PAPPA: variants seen among roughly 807,000 people sequenced by gnomAD.
The protein encoded by PAPPA is pappalysin-1.
In PAPPA, 60 loss-of-function variants were observed where a neutral mutation model predicts 164.0. That is an observed-to-expected ratio of 0.37 (90% confidence interval 0.30 to 0.45). The LOEUF (loss-of-function observed/expected upper bound fraction) is 0.45. Among genes scored for constraint, PAPPA ranks in the 20% least tolerant of loss-of-function variants. The probability of loss-of-function intolerance (pLI) is 1.00; values close to 1 mark genes in which losing one functional copy is unlikely to be tolerated. For missense variants in PAPPA, 1,782 were observed against 2,087.3 expected (o/e 0.85, Z 2.85); for synonymous variants, 875 against 814.1 (o/e 1.07, Z -1.27).
chr9:116,242,788 T>A (rs982813183), intron 7 of PAPPA, among the ~76,000 whole-genome samples: 1 of 152,218 alleles, frequency 6.6e-6, no homozygotes, highest in Non-Finnish European at 1.5e-5. Flanking sequence ...CCACTAGCAG[T>A]GTGTGCCAAG....
At chr9:116,310,414 G>A (rs1040040233) in intron 10 of PAPPA, among the ~76,000 whole-genome samples, 39 of 152,150 alleles carry the variant, frequency 2.6e-4, no homozygotes, top group African/African-American at 8.4e-4. Context: ...AGTCATCTAA[G>A]GAGACAGAAC....
At chr9:116,195,454 G>C (rs1844093143) in intron 2 of PAPPA, among the ~76,000 whole-genome samples, 1 of 152,204 alleles carries the variant, frequency 6.6e-6, no homozygotes, top group South Asian at 2.1e-4. Flanking sequence ...AAATAAATAA[G>C]AATACAAGTT....
intron 2 of PAPPA, among the ~76,000 whole-genome samples, chr9:116,198,121 A>T (rs751833403): frequency 1.9e-4 from 29 of 152,222 alleles, no homozygotes; most frequent in Non-Finnish European, 3.5e-4. Context: ...TGTGTTATTT[A>T]TCAATTTGGT....
At chr9:116,244,463 G>A (rs1844773157) in intron 7 of PAPPA, among the ~76,000 whole-genome samples, 1 of 152,132 alleles carries the variant, frequency 6.6e-6, no homozygotes, top group Non-Finnish European at 1.5e-5. Flanking sequence ...GTCAATCTTT[G>A]TACTGGGAGT....
intron 15 of PAPPA, 146 bp from the exon 16 acceptor site, chr9:116,352,560 G>A (rs1460264896): frequency 2.8e-6 from 2 of 705,068 alleles, no homozygotes; most frequent in African/African-American, 3.5e-5. Context: ...ATTTCCCTAG[G>A]CTCCTCAGTT....
intron 1 of PAPPA, among the ~76,000 whole-genome samples, chr9:116,178,585 C>A (rs954695290): frequency 6.6e-6 from 1 of 152,032 alleles, no homozygotes; most frequent in African/African-American, 2.4e-5. Context: ...AGATTTTGTC[C>A]AAGGCTACAC....
At chr9:116,185,621 A>G (rs1048402657) in intron 1 of PAPPA, among the ~76,000 whole-genome samples, 29 of 152,120 alleles carry the variant, frequency 1.9e-4, no homozygotes, top group African/African-American at 7.0e-4. Context: ...GGCCTCATAC[A>G]TCATCTGACA....
intron 7 of PAPPA, among the ~76,000 whole-genome samples, chr9:116,254,579 G>A (rs774314290): frequency 7.6e-4 from 116 of 152,180 alleles, no homozygotes; most frequent in Non-Finnish European, 1.2e-3. Flanking sequence ...TCAGGAGATC[G>A]AGACCATCCC....
intron 10 of PAPPA, among the ~76,000 whole-genome samples, chr9:116,320,161 T>C (rs985573961): frequency 1.3e-5 from 2 of 152,252 alleles, no homozygotes; most frequent in African/African-American, 4.8e-5. Flanking sequence ...GATTTCTATA[T>C]TCCCTTTCCA....
intron 20 of PAPPA, among the ~76,000 whole-genome samples, chr9:116,381,619 G>T (rs1846732911): frequency 6.6e-6 from 1 of 152,132 alleles, no homozygotes; most frequent in Non-Finnish European, 1.5e-5. Flanking sequence ...CAGAAGAAAA[G>T]AAATAAATCA....
At chr9:116,379,783 T>A (rs895830276) in intron 20 of PAPPA, among the ~76,000 whole-genome samples, 4 of 152,172 alleles carry the variant, frequency 2.6e-5, no homozygotes, top group Non-Finnish European at 4.4e-5. Flanking sequence ...GCAGACAGCA[T>A]CCTGAGGCTA....
chr9:116,344,191 T>C (rs1846176624), intron 13 of PAPPA, among the ~76,000 whole-genome samples: 1 of 152,200 alleles, frequency 6.6e-6, no homozygotes, highest in Admixed American at 6.6e-5. Context: ...AGGCTTTTGC[T>C]CAACCTGGTG....
intron 10 of PAPPA, chr9:116,316,247 A>C (rs1314948054): frequency 6.6e-6 from 1 of 152,234 alleles, no homozygotes; most frequent in Non-Finnish European, 1.5e-5. Context: ...AGTGGAAGAT[A>C]TTAGAGTTTA....
chr9:116,342,830 C>A (rs1463304957), intron 13 of PAPPA, among the ~76,000 whole-genome samples: 1 of 152,074 alleles, frequency 6.6e-6, no homozygotes, highest in African/African-American at 2.4e-5. Flanking sequence ...GTCAGAGAGG[C>A]AAAAGTCAGA....
intron 7 of PAPPA, among the ~76,000 whole-genome samples, chr9:116,253,701 T>C (rs999967952): frequency 2.0e-5 from 3 of 152,146 alleles, no homozygotes; most frequent in Admixed American, 6.5e-5. Context: ...GAAAAAACTG[T>C]GTGTATATAA....
intron 2 of PAPPA, among the ~76,000 whole-genome samples, chr9:116,204,496 C>G (rs1427065088): frequency 6.6e-6 from 1 of 152,150 alleles, no homozygotes; most frequent in Non-Finnish European, 1.5e-5. Flanking sequence ...CTCACTGCAG[C>G]CTTGAACTCC....
At chr9:116,314,878 C>T (rs573636065) in intron 10 of PAPPA, among the ~76,000 whole-genome samples, 19 of 152,320 alleles carry the variant, frequency 1.2e-4, no homozygotes, top group Middle Eastern at 3.4e-3. Flanking sequence ...AATTATCAGA[C>T]AGGCTTGAGC....
intron 9 of PAPPA, among the ~76,000 whole-genome samples, chr9:116,281,788 C>T (rs527329568): frequency 6.6e-6 from 1 of 152,288 alleles, no homozygotes; most frequent in South Asian, 2.1e-4. Context: ...ACCCACCAGA[C>T]AAGCAAATCT....
chr9:116,222,143 T>C (rs1844454404), intron 5 of PAPPA, among the ~76,000 whole-genome samples: 1 of 152,166 alleles, frequency 6.6e-6, no homozygotes, highest in Non-Finnish European at 1.5e-5. Context: ...AAATTGAAAT[T>C]AGTATGCCAA....
Sources: gnomAD v4.1 joint callset for allele counts (sites outside exome capture counted in the v4.1 genomes callset) on GRCh38, gnomAD v4.1.1 for gene constraint, MANE v1.5 for transcripts, NCBI Gene and HGNC (gene_info 2026-07-23, HGNC 2026-07-21) for gene names.